RAD51B: variants seen among roughly 807,000 people sequenced by gnomAD.
RAD51B encodes RAD51 paralog B.
In RAD51B, 38 loss-of-function variants were observed where a neutral mutation model predicts 42.2. The observed-to-expected ratio is 0.90, with a 90% CI of 0.70 to 1.18. The LOEUF is 1.18. RAD51B is among the 50% of genes most tolerant of loss of function. The pLI, the probability that RAD51B is intolerant of heterozygous loss-of-function variation, is 0.00. For synonymous variants in RAD51B, 154 were observed against 145.2 expected, an observed-to-expected ratio of 1.06 and a Z score of -0.43; for missense variants, 373 against 400.7, an observed-to-expected ratio of 0.93 and a Z score of 0.59.
intron 8 of RAD51B, among the ~76,000 whole-genome samples, chr14:68,398,458 G>T (rs1284963224): frequency 3.9e-5 from 6 of 152,150 alleles, no homozygotes; most frequent in Non-Finnish European, 8.8e-5. Context: ...TTGAAGCAAT[G>T]CAGGTCAAGG....
intron 10 of RAD51B, among the ~76,000 whole-genome samples, chr14:68,637,136 G>A (rs1423211687): frequency 1.3e-5 from 2 of 152,124 alleles, no homozygotes; most frequent in African/African-American, 2.4e-5. Context: ...CTAGAGTGCA[G>A]TGGTGCAATC....
intron 7 of RAD51B, among the ~76,000 whole-genome samples, chr14:68,174,216 C>A: frequency 6.6e-6 from 1 of 151,876 alleles, no homozygotes; most frequent in Non-Finnish European, 1.5e-5. Flanking sequence ...ACAGGATAGT[C>A]AAGGGAATAA....
intron 7 of RAD51B, among the ~76,000 whole-genome samples, chr14:67,891,988 A>T (rs565260296): frequency 6.6e-6 from 1 of 152,308 alleles, no homozygotes; most frequent in South Asian, 2.1e-4. Context: ...GTAGACATAG[A>T]TATGCCATTA....
At chr14:68,169,418 A>G (rs534014717) in intron 7 of RAD51B, among the ~76,000 whole-genome samples, 1 of 152,206 alleles carries the variant, frequency 6.6e-6, no homozygotes, top group African/African-American at 2.4e-5. Flanking sequence ...TTCTTAGTCT[A>G]TTATTGGTCA....
At chr14:68,656,655 G>A (rs962496414) in intron 11 of RAD51B, among the ~76,000 whole-genome samples, 2 of 152,188 alleles carry the variant, frequency 1.3e-5, no homozygotes, top group Non-Finnish European at 2.9e-5. Context: ...AAAGGCGACC[G>A]CAGGCCGGCA....
chr14:67,884,056 G>A (rs2042994219), intron 5 of RAD51B, among the ~76,000 whole-genome samples: 3 of 152,186 alleles, frequency 2.0e-5, no homozygotes, highest in Non-Finnish European at 2.9e-5. Context: ...TAGGATGAAT[G>A]TGAGGCATGT....
At chr14:68,434,420 T>C (rs971222933) in intron 9 of RAD51B, among the ~76,000 whole-genome samples, 5 of 152,192 alleles carry the variant, frequency 3.3e-5, no homozygotes, top group Admixed American at 3.3e-4. Context: ...CCACTTTGTT[T>C]ACCTATTCAA....
chr14:68,215,618 G>T (rs190361772), intron 7 of RAD51B, among the ~76,000 whole-genome samples: 421 of 152,228 alleles, frequency 2.8e-3, no homozygotes, highest in African/African-American at 8.9e-3. Flanking sequence ...TTAGACCCAG[G>T]CTTTCTGGTT....
At chr14:68,180,011 C>T (rs1361014322) in intron 7 of RAD51B, among the ~76,000 whole-genome samples, 8 of 152,084 alleles carry the variant, frequency 5.3e-5, no homozygotes, top group Non-Finnish European at 8.8e-5. Flanking sequence ...AGAGGGTGCC[C>T]TGTATTCCAC....
intron 7 of RAD51B, among the ~76,000 whole-genome samples, chr14:68,278,325 T>C (rs2081262220): frequency 1.3e-5 from 2 of 152,184 alleles, no homozygotes; most frequent in East Asian, 3.8e-4. Flanking sequence ...AAAGAAGGGA[T>C]TTTGTAGTCA....
At chr14:68,183,702 C>T (rs1439631696) in intron 7 of RAD51B, among the ~76,000 whole-genome samples, 8 of 152,086 alleles carry the variant, frequency 5.3e-5, no homozygotes, top group Non-Finnish European at 8.8e-5. Context: ...AATCCCAGCA[C>T]GTTGAAAGCC....
At chr14:68,679,262 CA>C (rs1893378838) in intron 11 of RAD51B, among the ~76,000 whole-genome samples, 1 of 145,338 alleles carries the variant, frequency 6.9e-6, no homozygotes, top group Admixed American at 6.7e-5. Context: ...TAAGTTTAAA[CA>C]AACAAACAAA....
At chr14:68,257,163 A>T (rs1448836485) in intron 7 of RAD51B, among the ~76,000 whole-genome samples, 1 of 152,222 alleles carries the variant, frequency 6.6e-6, no homozygotes, top group Non-Finnish European at 1.5e-5. Flanking sequence ...ATTCATAGAT[A>T]CAGAAAGTAG....
intron 11 of RAD51B, among the ~76,000 whole-genome samples, chr14:68,662,208 C>T (rs773451911): frequency 6.6e-6 from 1 of 152,236 alleles, no homozygotes; most frequent in Non-Finnish European, 1.5e-5. Flanking sequence ...GGTAACTGTT[C>T]AGGTTGATTC....
chr14:68,354,686 A>G (rs1484476740), intron 8 of RAD51B, among the ~76,000 whole-genome samples: 1 of 152,124 alleles, frequency 6.6e-6, no homozygotes, highest in Non-Finnish European at 1.5e-5. Context: ...CTGGGCAACA[A>G]AGCAAAATCT....
At chr14:67,857,155 GA>G (rs920353127) in intron 4 of RAD51B, among the ~76,000 whole-genome samples, 6 of 151,372 alleles carry the variant, frequency 4.0e-5, no homozygotes, top group African/African-American at 1.5e-4. Context: ...AAATAAACCT[GA>G]AAAAAAATGA....
intron 10 of RAD51B, among the ~76,000 whole-genome samples, chr14:68,564,364 T>A (rs1889313969): frequency 1.3e-5 from 2 of 152,216 alleles, no homozygotes; most frequent in Non-Finnish European, 2.9e-5. Context: ...GGAGAGGTCA[T>A]GCCGCACAGG....
Position 68,673,555 on chromosome 14 carries a change from CAT to C in RAD51B, c.*11+22702_*11+22703del, listed in dbSNP as rs376026385. Among the ~76,000 whole-genome samples, 320 of 151,338 alleles carry C rather than the reference CAT, an allele frequency of 2.1e-3. 2 individuals are homozygous for C. Among genetic ancestry groups the C allele is most frequent in the African/African-American group, 6.9e-3 (284 of 41,104 alleles). On this transcript the variant is annotated intron_variant, in intron 11 of 11. Transcript: ENST00000488612. ...ACACATACACATACATATGTACACA[CAT>C]ATGTATGCACACACATACACATACT...
chr14:68,329,418 G>T (rs1021137392), intron 8 of RAD51B, among the ~76,000 whole-genome samples: 1 of 152,320 alleles, frequency 6.6e-6, no homozygotes, highest in Non-Finnish European at 1.5e-5. Context: ...CCCCATGGAG[G>T]CTACAAGCTA....
Sources: allele counts gnomAD v4.1 joint callset (sites outside exome capture counted in the v4.1 genomes callset), GRCh38; gene constraint gnomAD v4.1.1; transcripts MANE v1.5; gene names NCBI Gene and HGNC (gene_info 2026-07-23, HGNC 2026-07-21).